CSF2RA: variants seen among roughly 807,000 people sequenced by gnomAD.
The protein encoded by CSF2RA is granulocyte-macrophage colony-stimulating factor receptor subunit alpha.
A neutral mutation model predicts 51.6 loss-of-function variants in CSF2RA; 42 were observed. That is an observed-to-expected ratio of 0.81 (90% CI 0.64 to 1.05). The LOEUF (loss-of-function observed/expected upper bound fraction) is 1.05, where lower values mean the gene tolerates loss of function less well. Ranked by LOEUF, CSF2RA falls within the 50% of genes least tolerant of loss-of-function variation. CSF2RA has a pLI of 0.00. For synonymous variants in CSF2RA, 222 were observed against 193.0 expected (o/e 1.15, Z -1.24); for missense variants, 530 against 501.1 (o/e 1.06, Z -0.55).
At chrX:1,299,908 AGT>A (rs1300856481) in intron 9 of CSF2RA, among the ~76,000 whole-genome samples, 12 of 151,338 alleles carry the variant, frequency 7.9e-5, no homozygotes, top group Admixed American at 6.6e-4. Context: ...ACAGAGCGAG[AGT>A]GTCTCAAATA....
chrX:1,299,024 G>A (rs2092197296), intron 9 of CSF2RA, among the ~76,000 whole-genome samples: 1 of 152,160 alleles, frequency 6.6e-6, no homozygotes, highest in Non-Finnish European at 1.5e-5. Context: ...CCCAGGGGTG[G>A]ACACGGTGGA....
chrX:1,322,973 C>CA, the CSF2RA span, among the ~76,000 whole-genome samples: 1 of 150,894 alleles, frequency 6.6e-6, no homozygotes, highest in Non-Finnish European at 1.5e-5. Flanking sequence ...ACTAAAAATA[C>CA]AAAAAATTAG....
the CSF2RA span, among the ~76,000 whole-genome samples, chrX:1,319,045 G>C: frequency 6.7e-6 from 1 of 149,888 alleles, no homozygotes; most frequent in African/African-American, 2.4e-5. Context: ...ACCCAGGCTG[G>C]AGTACAGTGG....
chrX:1,292,929 G>C (rs2091538457), intron 7 of CSF2RA, among the ~76,000 whole-genome samples: 1 of 152,232 alleles, frequency 6.6e-6, no homozygotes, highest in African/African-American at 2.4e-5. Context: ...GGAACCCTCA[G>C]ACAATACCCG....
At chrX:1,305,360 G>A (rs1156736971) in intron 11 of CSF2RA, 86 bp from the exon 12 acceptor site, 12 of 1,442,276 alleles carry the variant, frequency 8.3e-6, no homozygotes, top group African/African-American at 1.4e-5. Context: ...CACCCCGCAC[G>A]CAGCATCCCT....
At chrX:1,315,030 C>CCTGCCCAACCCCACTGCG (rs1569515208), downstream of CSF2RA, among the ~76,000 whole-genome samples, 1 of 151,968 alleles carries the variant, frequency 6.6e-6, no homozygotes, top group African/African-American at 2.4e-5. Flanking sequence ...CCACACTGCA[C>CCTGCCCAACCCCACTGCG]CAAAGGAAGA....
chrX:1,305,334 C>G, intron 11 of CSF2RA, 112 bp from the exon 12 acceptor site: 1 of 1,208,500 alleles, frequency 8.3e-7, no homozygotes, highest in Non-Finnish European at 1.2e-6. Context: ...TGAAGTTTTG[C>G]ATAGTTGAGC....
chrX:1,283,263 C>T, intron 3 of CSF2RA, among the ~76,000 whole-genome samples: 1 of 149,546 alleles, frequency 6.7e-6, no homozygotes, highest in Non-Finnish European at 1.5e-5. Context: ...TTCCTTCCAT[C>T]CTTCTCTCCC....
At chrX:1,314,533 GCACC>G (rs1569514927), downstream of CSF2RA, among the ~76,000 whole-genome samples, 31 of 121,056 alleles carry the variant, frequency 2.6e-4, 4 homozygotes, top group Admixed American at 4.2e-4. Flanking sequence ...CAATCCCACT[GCACC>G]TGCCCAATCC....
At chrX:1,316,250 AT>A in the CSF2RA span, among the ~76,000 whole-genome samples, 1 of 144,880 alleles carries the variant, frequency 6.9e-6, no homozygotes, top group East Asian at 2.3e-4. Flanking sequence ...CAGATGATAG[AT>A]TAGATAGATG....
chrX:1,311,600 C>CT (rs201551483), downstream of CSF2RA, among the ~76,000 whole-genome samples: 1,965 of 151,874 alleles, frequency 0.013, 52 homozygotes, highest in African/African-American at 0.044. Context: ...TTCCCGGCTA[C>CT]TTTTTTTTGT....
the CSF2RA span, among the ~76,000 whole-genome samples, chrX:1,324,466 GGGCA>G: frequency 2.9e-5 from 4 of 136,960 alleles, no homozygotes; most frequent in African/African-American, 5.4e-5. Flanking sequence ...GAAAGAGAAA[GGGCA>G]AGCAAGCAAG....
chrX:1,324,358 A>C, the CSF2RA span, among the ~76,000 whole-genome samples: 1 of 148,516 alleles, frequency 6.7e-6, no homozygotes, highest in African/African-American at 2.5e-5. Flanking sequence ...AGGAAGGAAA[A>C]AGAGAAAGGA....
chrX:1,295,596 G>C, intron 9 of CSF2RA, 140 bp downstream of exon 9: 1 of 773,674 alleles, frequency 1.3e-6, no homozygotes, highest in Non-Finnish European at 2.3e-6. Flanking sequence ...TAACCCTACG[G>C]TCCCCTACTC....
At position 1,300,643 on chromosome X, in the gene CSF2RA, G is replaced by A. The variant is rs760697200; in HGVS notation, c.946+17G>A. ...TTGAATTTGGTAAGCGTTGGGCGGAGGTAAGGGATGTTTGTGCCGTCTGCG... is the reference window on the plus strand; with the variant it reads ...TTGAATTTGGTAAGCGTTGGGCGGAAGTAAGGGATGTTTGTGCCGTCTGCG... On this transcript the variant is annotated intron_variant, in intron 10 of 12. Transcript: ENST00000381529. 3 of 1,613,890 alleles carry A rather than the reference G, an allele frequency of 1.9e-6. No individual in the cohort carries two copies. Among genetic ancestry groups the A allele is most frequent in the East Asian group, 2.2e-5 (1 of 44,866 alleles).
At position 1,294,564 on chromosome X, in the gene CSF2RA, C is replaced by T. The variant is rs28414810; in HGVS notation, c.780+103C>T. On this transcript the variant is annotated intron_variant, in intron 8 of 12. Transcript: ENST00000381529. ...GGGGAAGTGGCCTGGGGGAAGGATG[C>T]GTGGGTGGTGAGCGGTGACTCTGGG... is the stretch of plus-strand genomic sequence containing the variant. 4.0e-6 allele frequency: 6 copies of T among 1,483,864 alleles called. No homozygotes were observed. In the South Asian group the frequency reaches 4.6e-5, roughly 11 times the overall value. 91.9% of individuals were successfully genotyped at this position (1,483,864 alleles called of 1,614,324 possible).
chrX:1,311,188 G>A (rs2084165486), downstream of CSF2RA, among the ~76,000 whole-genome samples: 1 of 151,632 alleles, frequency 6.6e-6, no homozygotes, highest in African/African-American at 2.4e-5. Context: ...GGCGGAGGTG[G>A]CAGTGAGCCA....
At chrX:1,307,327 G>A (rs1394749758) in intron 12 of CSF2RA, among the ~76,000 whole-genome samples, 1 of 152,128 alleles carries the variant, frequency 6.6e-6, no homozygotes, top group Non-Finnish European at 1.5e-5. Context: ...ACTTTCGGCT[G>A]ATTGAATGAG....
Position 1,291,330 on chromosome X carries a change from C to T in CSF2RA, c.646+821C>T, listed in dbSNP as rs1254953137. On this transcript the variant is annotated intron_variant, in intron 7 of 12. Coordinates refer to ENST00000381529, the MANE Select transcript of CSF2RA (RefSeq NM_172245.4). The stretch of plus-strand genomic sequence containing the variant: ...CCCTCCCTCCTTTCCTTCCTTCCTT[C>T]CTCCTTCCCTCCCTTCTTCCTTCCC... Among the ~76,000 whole-genome samples the T allele has an allele frequency of 3.4e-5, 5 of 148,550 alleles. No homozygotes were observed. In the East Asian group the frequency reaches 1.0e-3, roughly 30 times the overall value.
Sources: allele counts gnomAD v4.1 joint callset (sites outside exome capture counted in the v4.1 genomes callset), GRCh38; gene constraint gnomAD v4.1.1; transcripts MANE v1.5; gene names NCBI Gene and HGNC (gene_info 2026-07-23, HGNC 2026-07-21).